The following CACNG2 variants were observed in gnomAD, a reference collection of about 807,000 sequenced individuals.
The protein encoded by CACNG2 is calcium voltage-gated channel auxiliary subunit gamma 2.
CACNG2 carries 3 observed loss-of-function variants against 25.9 expected under a neutral mutation model. The observed-to-expected ratio is 0.12, with a 90% CI of 0.05 to 0.30. The LOEUF (loss-of-function observed/expected upper bound fraction) is 0.30. Ranked by LOEUF, CACNG2 falls within the 10% of genes least tolerant of loss-of-function variation. The pLI is 1.00. For synonymous variants in CACNG2, 167 were observed against 173.3 expected, an observed-to-expected ratio of 0.96 and a Z score of 0.29; for missense variants, 341 against 432.5, an observed-to-expected ratio of 0.79 and a Z score of 1.88.
At chr22:36,569,209 A>G (rs1411335092) in intron 2 of CACNG2, among the ~76,000 whole-genome samples, 1 of 152,154 alleles carries the variant, frequency 6.6e-6, no homozygotes, top group Non-Finnish European at 1.5e-5. Context: ...TACCTAACAT[A>G]TATGATATAA....
At chr22:36,600,464 C>T (rs897508681) in intron 1 of CACNG2, among the ~76,000 whole-genome samples, 8 of 150,554 alleles carry the variant, frequency 5.3e-5, no homozygotes, top group Middle Eastern at 3.4e-3. Context: ...AAAAAAAATG[C>T]GGGAAACTTT....
intron 1 of CACNG2, among the ~76,000 whole-genome samples, chr22:36,650,527 C>T (rs897183275): frequency 1.3e-5 from 2 of 152,140 alleles, no homozygotes; most frequent in African/African-American, 4.8e-5. Context: ...GCATGTGCCA[C>T]CACACCCAGC....
At chr22:36,652,855 C>T (rs530905161) in intron 1 of CACNG2, among the ~76,000 whole-genome samples, 1 of 152,124 alleles carries the variant, frequency 6.6e-6, no homozygotes, top group Non-Finnish European at 1.5e-5. Flanking sequence ...CACACCCCAT[C>T]CCAAGGAGGC....
intron 1 of CACNG2, among the ~76,000 whole-genome samples, chr22:36,672,706 C>T (rs1936969157): frequency 6.6e-6 from 1 of 152,218 alleles, no homozygotes; most frequent in Admixed American, 6.5e-5. Flanking sequence ...CTTCCCAAGG[C>T]ATCACCAACC....
At chr22:36,641,962 A>C (rs1936447945) in intron 1 of CACNG2, among the ~76,000 whole-genome samples, 1 of 152,252 alleles carries the variant, frequency 6.6e-6, no homozygotes, top group Non-Finnish European at 1.5e-5. Context: ...GATCCTTCTA[A>C]CAAGACCAGA....
chr22:36,573,921 A>C (rs1053580875), intron 2 of CACNG2, among the ~76,000 whole-genome samples: 7 of 152,184 alleles, frequency 4.6e-5, no homozygotes, highest in African/African-American at 1.2e-4. Flanking sequence ...TGGGAGAGAG[A>C]GCAGCAGGAG....
intron 1 of CACNG2, among the ~76,000 whole-genome samples, chr22:36,691,438 C>G (rs1050694161): frequency 6.6e-6 from 1 of 152,178 alleles, no homozygotes; most frequent in Non-Finnish European, 1.5e-5. Context: ...CACTATTCCC[C>G]CACCCTGCCC....
At chr22:36,697,571 C>G (rs547925418) in intron 1 of CACNG2, among the ~76,000 whole-genome samples, 3 of 152,300 alleles carry the variant, frequency 2.0e-5, no homozygotes, top group Admixed American at 1.3e-4. Flanking sequence ...TTCAGCTCAC[C>G]TGGAAAGAGG....
At chr22:36,623,041 C>T (rs1936132568) in intron 1 of CACNG2, among the ~76,000 whole-genome samples, 1 of 98,454 alleles carries the variant, frequency 1.0e-5, no homozygotes, top group Non-Finnish European at 1.9e-5. Flanking sequence ...TTTTTTGAGA[C>T]AGGATCTCTC....
chr22:36,598,798 G>T (rs959409650), intron 1 of CACNG2, among the ~76,000 whole-genome samples: 3 of 151,980 alleles, frequency 2.0e-5, no homozygotes, highest in African/African-American at 7.2e-5. Flanking sequence ...GGCCAACATG[G>T]TGAAACCCTG....
chr22:36,594,831 GGT>G (rs56826491), intron 1 of CACNG2, among the ~76,000 whole-genome samples: 35,545 of 146,054 alleles, frequency 0.24, 4,451 homozygotes, highest in South Asian at 0.32. Context: ...TGTGTACATC[GGT>G]GTGTGTGTGT....
chr22:36,605,702 C>T (rs1379868913), intron 1 of CACNG2, among the ~76,000 whole-genome samples: 2 of 152,196 alleles, frequency 1.3e-5, no homozygotes, highest in Non-Finnish European at 2.9e-5. Flanking sequence ...ACCTAGCTCG[C>T]TAAGAGGTAG....
At chr22:36,576,815 C>T (rs545984205) in intron 2 of CACNG2, among the ~76,000 whole-genome samples, 1 of 152,162 alleles carries the variant, frequency 6.6e-6, no homozygotes, top group South Asian at 2.1e-4. Context: ...ATCATCTCAC[C>T]CTCATAGGGT....
At chr22:36,627,362 T>C (rs185193251) in intron 1 of CACNG2, among the ~76,000 whole-genome samples, 2 of 151,612 alleles carry the variant, frequency 1.3e-5, no homozygotes, top group African/African-American at 4.8e-5. Flanking sequence ...GGTAGATACA[T>C]AATTAGGTGT....
chr22:36,668,771 C>T (rs376474094), intron 1 of CACNG2, among the ~76,000 whole-genome samples: 2 of 152,128 alleles, frequency 1.3e-5, no homozygotes, highest in South Asian at 2.1e-4. Context: ...GCTGGGATTA[C>T]GAGGTGGGAG....
chr22:36,610,369 T>C (rs1337412318), intron 1 of CACNG2, among the ~76,000 whole-genome samples: 2 of 147,794 alleles, frequency 1.4e-5, no homozygotes, highest in East Asian at 2.1e-4. Flanking sequence ...TAGAGCGTGA[T>C]TGGGAGGAAT....
At chr22:36,658,269 C>T (rs1021264013) in intron 1 of CACNG2, among the ~76,000 whole-genome samples, 12 of 152,060 alleles carry the variant, frequency 7.9e-5, no homozygotes, top group Non-Finnish European at 1.0e-4. Flanking sequence ...GAAGATTGCC[C>T]GGAACTGTGA....
chr22:36,600,157 C>T (rs1935732286), intron 1 of CACNG2, among the ~76,000 whole-genome samples: 1 of 152,202 alleles, frequency 6.6e-6, no homozygotes, highest in Admixed American at 6.5e-5. Flanking sequence ...GTATCTGAGC[C>T]ACACTCCCAT....
chr22:36,664,042 C>T (rs1936838482), intron 1 of CACNG2, among the ~76,000 whole-genome samples: 1 of 152,122 alleles, frequency 6.6e-6, no homozygotes, highest in Admixed American at 6.5e-5. Context: ...GACCACATGG[C>T]TAAATGCATC....
Sources: gnomAD v4.1 joint callset for allele counts (sites outside exome capture counted in the v4.1 genomes callset) on GRCh38, gnomAD v4.1.1 for gene constraint, MANE v1.5 for transcripts, NCBI Gene and HGNC (gene_info 2026-07-23, HGNC 2026-07-21) for gene names.